CTNNBIP1: variants seen among roughly 807,000 people sequenced by gnomAD.
CTNNBIP1 encodes catenin beta interacting protein 1.
CTNNBIP1 carries 7 observed loss-of-function variants against 11.8 expected under a neutral mutation model. The ratio of observed to expected loss-of-function variants is 0.60; its 90% CI spans 0.34 to 1.12. The LOEUF (loss-of-function observed/expected upper bound fraction) is 1.12, where lower values mean the gene tolerates loss of function less well. CTNNBIP1 is among the 50% of genes most tolerant of loss of function. CTNNBIP1 has a pLI of 0.03. For missense variants in CTNNBIP1, 101 were observed against 113.4 expected (o/e 0.89, Z 0.50); for synonymous variants, 58 against 43.9 (o/e 1.32, Z -1.26).
intron 3 of CTNNBIP1, among the ~76,000 whole-genome samples, chr1:9,875,126 G>T (rs1231466003): frequency 6.6e-6 from 1 of 152,164 alleles, no homozygotes; most frequent in South Asian, 2.1e-4. Context: ...AGACCACCCG[G>T]TTCGAGCCGA....
chr1:9,871,404 GA>G lies in CTNNBIP1; in HGVS notation c.97-128del. 1.4e-6 allele frequency: 1 copy of G among 730,316 alleles called. No individual in the cohort carries two copies. Among genetic ancestry groups the G allele is most frequent in the African/African-American group, 1.8e-5 (1 of 56,748 alleles). The allele number at this position is 730,316 out of a possible 1,614,324, so 45.2% of individuals were successfully genotyped here. A position where few individuals can be genotyped will look rare whatever the true frequency, so the allele number is the denominator to read the frequency against. ...GGTCCCTGCTCGGGCTTCTGTTTCT[GA>G]GATTTGACCCCTTTGCTTTCAGGGC... is the stretch of plus-strand genomic sequence containing the variant. On this transcript the variant is annotated intron_variant, in intron 4 of 5. Coordinates refer to ENST00000377263, the MANE Select transcript of CTNNBIP1 (RefSeq NM_020248.3). The surrounding 1 kb of genome is among the most constrained non-coding windows in gnomAD (Gnocchi z 5.2).
chr1:9,872,162 G>T lies in CTNNBIP1; in HGVS notation c.-24-74C>A. On this transcript the variant is annotated intron_variant, in intron 3 of 5. Transcript: ENST00000377263. The surrounding 1 kb of genome is among the most constrained non-coding windows in gnomAD (Gnocchi z 4.0). Reference sequence around the variant, plus strand: ...TACTGGGACAATGACACCTGCTAGTGACCCTCACTCCTCCCAGGAGCCGCT... The same window carrying T: ...TACTGGGACAATGACACCTGCTAGTTACCCTCACTCCTCCCAGGAGCCGCT... 2 of 901,308 alleles carry T rather than the reference G, an allele frequency of 2.2e-6. No homozygotes were observed. The highest frequency in any genetic ancestry group is 1.8e-6 in the Non-Finnish European group (1 of 557,118). 55.8% of individuals were successfully genotyped at this position (901,308 alleles called of 1,614,324 possible).
intron 2 of CTNNBIP1, among the ~76,000 whole-genome samples, chr1:9,881,225 G>A (rs1004430723): frequency 6.6e-6 from 1 of 151,520 alleles, no homozygotes; most frequent in Non-Finnish European, 1.5e-5. Context: ...TGTAGCGACA[G>A]GTTCTCATGA....
intron 1 of CTNNBIP1, among the ~76,000 whole-genome samples, chr1:9,892,552 C>G (rs1410454801): frequency 1.3e-5 from 2 of 151,002 alleles, no homozygotes; most frequent in East Asian, 3.9e-4. Flanking sequence ...ATGATCACAC[C>G]ACTGCACCCC....
At chr1:9,887,929 A>G (rs1443495719) in intron 1 of CTNNBIP1, among the ~76,000 whole-genome samples, 2 of 151,780 alleles carry the variant, frequency 1.3e-5, no homozygotes, top group Non-Finnish European at 2.9e-5. Flanking sequence ...GGTTCAAGTG[A>G]TTATCCTGCC....
At position 9,851,223 on chromosome 1, in the gene CTNNBIP1, T is replaced by C. The variant is rs1638378165; in HGVS notation, c.188-447A>G. Among the ~76,000 whole-genome samples the C allele has an allele frequency of 2.6e-5, 4 of 152,220 alleles. No homozygotes were observed. The highest frequency in any genetic ancestry group is 2.6e-4 in the Admixed American group (4 of 15,288). ...GCTCACTGTGGTTTTAAATAGCCAT[T>C]CCTCTTTGCAGCAGCTTCTCCTTCA... On this transcript the variant is annotated intron_variant, in intron 5 of 5. Transcript: ENST00000377263. This position sits in a 1 kb window ranked among gnomAD's most constrained non-coding sequence, Gnocchi z 4.8.
chr1:9,857,716 T>A, intron 5 of CTNNBIP1, among the ~76,000 whole-genome samples: 1 of 151,766 alleles, frequency 6.6e-6, no homozygotes, highest in East Asian at 1.9e-4. Context: ...CAAGAGAATC[T>A]CTTGAACCCA....
intron 5 of CTNNBIP1, among the ~76,000 whole-genome samples, chr1:9,865,228 CAA>C (rs34199460): frequency 1.6e-4 from 14 of 86,386 alleles, no homozygotes; most frequent in Admixed American, 1.3e-4. Context: ...GACTCTGTCT[CAA>C]AAAAAAAAAA....
intron 1 of CTNNBIP1, among the ~76,000 whole-genome samples, chr1:9,884,846 G>A (rs1570586256): frequency 1.3e-5 from 2 of 152,252 alleles, no homozygotes; most frequent in South Asian, 4.1e-4. Flanking sequence ...CAGTGAGGGA[G>A]GGAGTTGGGG....
intron 2 of CTNNBIP1, among the ~76,000 whole-genome samples, chr1:9,880,136 GCCC>G (rs1453649004): frequency 7.5e-6 from 1 of 133,336 alleles, no homozygotes; most frequent in Non-Finnish European, 1.6e-5. Context: ...CTTGCCCCCA[GCCC>G]CCCAACAGGC....
At chr1:9,896,857 C>T (rs918135821) in intron 1 of CTNNBIP1, among the ~76,000 whole-genome samples, 5 of 152,130 alleles carry the variant, frequency 3.3e-5, no homozygotes, top group African/African-American at 7.2e-5. Flanking sequence ...GTCCCAGCTA[C>T]TCAGGAGGCT....
intron 5 of CTNNBIP1, among the ~76,000 whole-genome samples, chr1:9,855,965 G>C (rs759929932): frequency 6.6e-6 from 1 of 152,010 alleles, no homozygotes; most frequent in African/African-American, 2.4e-5. Context: ...GATCAACATG[G>C]TGAAACCCCA....
chr1:9,884,897 C>T (rs887590776), intron 1 of CTNNBIP1, among the ~76,000 whole-genome samples: 4 of 151,862 alleles, frequency 2.6e-5, no homozygotes, highest in East Asian at 1.9e-4. Flanking sequence ...GGCACAGGGG[C>T]GGCTGCAGGC....
intron 3 of CTNNBIP1, among the ~76,000 whole-genome samples, chr1:9,873,223 G>T (rs6541068): frequency 0.13 from 19,538 of 152,168 alleles, 4,151 homozygotes; most frequent in African/African-American, 0.44. Flanking sequence ...GCTGCATGCT[G>T]GATGCGGCAT....
At chr1:9,873,470 G>A (rs1325037182) in intron 3 of CTNNBIP1, among the ~76,000 whole-genome samples, 1 of 152,136 alleles carries the variant, frequency 6.6e-6, no homozygotes, top group Non-Finnish European at 1.5e-5. Context: ...AGCTGAGCAG[G>A]GAAGCTCTGT....
chr1:9,909,214 G>A (rs1364433007), intron 1 of CTNNBIP1, among the ~76,000 whole-genome samples: 1 of 152,204 alleles, frequency 6.6e-6, no homozygotes, highest in Admixed American at 6.5e-5. Flanking sequence ...TTACCCAGCA[G>A]TTGGCCAGAC....
intron 1 of CTNNBIP1, among the ~76,000 whole-genome samples, chr1:9,904,596 C>A (rs1177461652): frequency 6.6e-6 from 1 of 152,016 alleles, no homozygotes; most frequent in East Asian, 1.9e-4. Flanking sequence ...CTGGTGATGG[C>A]AGGGACTGGC....
Position 9,851,528 on chromosome 1 carries a change from G to A in CTNNBIP1, c.188-752C>T, listed in dbSNP as rs1638385884. The stretch of plus-strand genomic sequence containing the variant: ...TGGGATTACAGGTGTGCATCACCAC[G>A]CCCGGCTAATTTTTTTGTATTTTTA... On this transcript the variant is annotated intron_variant, in intron 5 of 5. Coordinates refer to ENST00000377263, the MANE Select transcript of CTNNBIP1 (RefSeq NM_020248.3). The surrounding 1 kb of genome is among the most constrained non-coding windows in gnomAD (Gnocchi z 4.8). Among the ~76,000 whole-genome samples, 3 of 152,060 alleles carry A rather than the reference G, an allele frequency of 2.0e-5. No individual in the cohort carries two copies. The highest frequency in any genetic ancestry group is 1.9e-4 in the East Asian group (1 of 5,168).
At chr1:9,870,936 G>C (rs7527989) in intron 5 of CTNNBIP1, among the ~76,000 whole-genome samples, 5,308 of 152,308 alleles carry the variant, frequency 0.035, 298 homozygotes, top group African/African-American at 0.12. Context: ...CCAGGCCTTA[G>C]AAAGGGATCC....
Sources: allele counts gnomAD v4.1 joint callset (sites outside exome capture counted in the v4.1 genomes callset), GRCh38; gene constraint gnomAD v4.1.1; non-coding constraint Gnocchi (gnomAD v3.1); transcripts MANE v1.5; gene names NCBI Gene and HGNC (gene_info 2026-07-23, HGNC 2026-07-21).